The following LRP8 variants were observed in gnomAD, a reference collection of about 807,000 sequenced individuals.
LRP8 encodes the protein LDL receptor related protein 8.
In LRP8, 46 loss-of-function variants were observed where a neutral mutation model predicts 111.6. The ratio of observed to expected loss-of-function variants is 0.41; its 90% CI spans 0.33 to 0.53. The LOEUF (loss-of-function observed/expected upper bound fraction) is 0.53. Among genes scored for constraint, LRP8 ranks in the 20% least tolerant of loss-of-function variants. LRP8 has a pLI of 0.20. For missense variants in LRP8, 959 were observed against 1,297.4 expected (o/e 0.74, Z 4.01); for synonymous variants, 464 against 511.2 (o/e 0.91, Z 1.24).
Position 53,303,247 on chromosome 1 carries a change from AG to A in LRP8, c.245-13559del, listed in dbSNP as rs1217927638. On this transcript the variant is annotated intron_variant, in intron 2 of 18. Transcript: ENST00000306052. This position sits in a 1 kb window ranked among gnomAD's most constrained non-coding sequence, Gnocchi z 4.3. Reference sequence around the variant, plus strand: ...GGAGAGGGCCGGGGGCAGACAGGCAAGGGGCATGGCTTAGCTGGAAAAGCAT... The same window carrying A: ...GGAGAGGGCCGGGGGCAGACAGGCAAGGGCATGGCTTAGCTGGAAAAGCAT... 2.0e-5 allele frequency among the ~76,000 whole-genome samples: 3 copies of A among 152,164 alleles called. No homozygotes were observed. The highest frequency in any genetic ancestry group is 6.5e-5 in the Admixed American group (1 of 15,286).
rs551249069 is a variant in LRP8, at chr1:53,297,759, A to C, written c.245-8070T>G. Among the ~76,000 whole-genome samples, 6 of 152,188 alleles carry C rather than the reference A, an allele frequency of 3.9e-5. No homozygotes were observed. In the South Asian group the frequency reaches 1.2e-3, roughly 32 times the overall value. On this transcript the variant is annotated intron_variant, in intron 2 of 18. Coordinates refer to ENST00000306052, the MANE Select transcript of LRP8 (RefSeq NM_004631.5). ...TGGGTTCTCTCCTCCAACCCATTCC[A>C]CTAAGGAGTTACACAATTCTAACCA...
In LRP8 at chr1:53,279,760, C is replaced by T. The variant is rs1033915191; in HGVS notation, c.496+827G>A. ...GTGACCGCCCGTATTTCAGCCCAGC[C>T]GCACAGCCTAGTAGCGACAGCCAGT... On this transcript the variant is annotated intron_variant, in intron 4 of 18. Coordinates refer to ENST00000306052, the MANE Select transcript of LRP8 (RefSeq NM_004631.5). This position sits in a 1 kb window ranked among gnomAD's most constrained non-coding sequence, Gnocchi z 4.4. Among the ~76,000 whole-genome samples, 1 of 152,208 alleles carries T rather than the reference C, an allele frequency of 6.6e-6. No homozygotes were observed. The highest frequency in any genetic ancestry group is 2.4e-5 in the African/African-American group (1 of 41,452).
At chr1:53,296,263 G>A (rs1649693060) in intron 2 of LRP8, among the ~76,000 whole-genome samples, 1 of 152,236 alleles carries the variant, frequency 6.6e-6, no homozygotes, top group Admixed American at 6.5e-5. Flanking sequence ...TAAGAAAGGT[G>A]GATTCCAGCT....
chr1:53,299,637 C>T (rs925387171), intron 2 of LRP8, among the ~76,000 whole-genome samples: 2 of 152,204 alleles, frequency 1.3e-5, no homozygotes, highest in African/African-American at 2.4e-5. Context: ...ACCTGTGTGC[C>T]CAGCAGAAGG....
intron 6 of LRP8, chr1:53,272,595 C>T (rs1021693607): frequency 7.8e-7 from 1 of 1,290,150 alleles, no homozygotes; most frequent in Non-Finnish European, 1.0e-6. Flanking sequence ...TAGGGAATAA[C>T]CCCTTTACCC....
intron 1 of LRP8, chr1:53,327,408 G>A: frequency 7.8e-6 from 2 of 255,632 alleles, no homozygotes; most frequent in East Asian, 8.8e-5. Context: ...CTGCGGAAAC[G>A]CATTGTCAAG....
chr1:53,271,373 G>A, intron 6 of LRP8, 27 bp from the exon 7 acceptor site: 1 of 1,613,652 alleles, frequency 6.2e-7, no homozygotes, highest in East Asian at 2.2e-5. Context: ...GCTCCTGAAG[G>A]TCCAGGAGCC....
intron 18 of LRP8, among the ~76,000 whole-genome samples, chr1:53,247,925 C>T (rs935747704): frequency 2.6e-5 from 4 of 152,116 alleles, no homozygotes; most frequent in Admixed American, 2.6e-4. Flanking sequence ...TCCCAGATAC[C>T]CTCCTTTGGA....
Position 53,244,296 on chromosome 1 carries a change from C to T in LRP8, c.*2722G>A, listed in dbSNP as rs1645687820. ...AGGAAATGGAGGAAACGCACTGGGA[C>T]TGGCTTCTGATAAATTTTCTGCCCC... On this transcript the variant is annotated 3_prime_UTR_variant, in exon 19 of 19. Transcript: ENST00000306052. 6.6e-6 allele frequency: 1 copy of T among 152,250 alleles called. No homozygotes were observed. Among genetic ancestry groups the T allele is most frequent in the Non-Finnish European group, 1.5e-5 (1 of 68,058 alleles). The allele number at this position is 152,250 out of a possible 1,614,324, so 9.4% of individuals were successfully genotyped here.
chr1:53,273,343 C>T (rs959992193), intron 6 of LRP8, among the ~76,000 whole-genome samples: 5 of 152,208 alleles, frequency 3.3e-5, no homozygotes, highest in Admixed American at 2.6e-4. Context: ...GTGCAGAGCA[C>T]AAACAGTCCC....
chr1:53,307,123 C>A (rs1652116535), intron 2 of LRP8, among the ~76,000 whole-genome samples: 1 of 152,176 alleles, frequency 6.6e-6, no homozygotes, highest in South Asian at 2.1e-4. Context: ...CTTTGAGCCA[C>A]CATGAAAATC....
intron 6 of LRP8, chr1:53,274,829 C>T (rs1462857658): frequency 2.2e-6 from 1 of 456,310 alleles, no homozygotes; most frequent in Non-Finnish European, 4.4e-6. Context: ...CTCTGTTGGG[C>T]CGGACAAGAG....
At chr1:53,292,111 T>C (rs1000877314) in intron 2 of LRP8, 2 of 152,216 alleles carry the variant, frequency 1.3e-5, no homozygotes, top group African/African-American at 4.8e-5. Flanking sequence ...CTCTGGGTGC[T>C]TCTGGGGCTG....
chr1:53,289,457 T>TG, intron 3 of LRP8, 110 bp downstream of exon 3: 1 of 1,421,476 alleles, frequency 7.0e-7, no homozygotes, highest in South Asian at 1.4e-5. Flanking sequence ...CCTGAGTGCG[T>TG]GGCACAGAAT....
In LRP8 at chr1:53,293,049, G is replaced by A. The variant is rs1288235310; in HGVS notation, c.245-3360C>T. ...GCAAGTAGGCAAGTCTGGCAAGGAT[G>A]TGTGGTCAGACAGTGCCCAAAACAG... is the stretch of plus-strand genomic sequence containing the variant. On this transcript the variant is annotated intron_variant, in intron 2 of 18. Coordinates refer to ENST00000306052, the MANE Select transcript of LRP8 (RefSeq NM_004631.5). This position sits in a 1 kb window ranked among gnomAD's most constrained non-coding sequence, Gnocchi z 4.9. 6.6e-6 allele frequency among the ~76,000 whole-genome samples: 1 copy of A among 152,234 alleles called. No individual in the cohort carries two copies. Among genetic ancestry groups the A allele is most frequent in the Admixed American group, 6.5e-5 (1 of 15,288 alleles).
intron 2 of LRP8, among the ~76,000 whole-genome samples, chr1:53,295,611 G>C (rs969919478): frequency 2.0e-5 from 3 of 152,126 alleles, no homozygotes; most frequent in Non-Finnish European, 4.4e-5. Context: ...GGAGGGGAGG[G>C]GTAGGGGGCA....
chr1:53,264,064 G>C lies in LRP8; in HGVS notation c.1655+105C>G, dbSNP rs934626343. On this transcript the variant is annotated intron_variant, in intron 10 of 18. Transcript: ENST00000306052. ...ACTTTCTTCCCCATGGCCTGTGTCTGAGTGGCCCAGAGCTTTCTAGAACCC... is the reference window on the plus strand; with the variant it reads ...ACTTTCTTCCCCATGGCCTGTGTCTCAGTGGCCCAGAGCTTTCTAGAACCC... 38 of 1,102,940 alleles carry C rather than the reference G, an allele frequency of 3.4e-5. No homozygotes were observed. The African/African-American group carries it at 4.0e-4, about 12-fold the overall frequency. The allele number at this position is 1,102,940 out of a possible 1,614,324, so 68.3% of individuals were successfully genotyped here.
At position 53,262,701 on chromosome 1, in the gene LRP8, T is replaced by C. The variant is rs1381640400; in HGVS notation, c.1656-137A>G. The C allele has an allele frequency of 2.8e-6, 2 of 705,404 alleles. No individual in the cohort carries two copies. Among genetic ancestry groups the C allele is most frequent in the African/African-American group, 1.8e-5 (1 of 56,810 alleles). 43.7% of individuals were successfully genotyped at this position (705,404 alleles called of 1,614,324 possible). A position where few individuals can be genotyped will look rare whatever the true frequency, so the allele number is the denominator to read the frequency against. On this transcript the variant is annotated intron_variant, in intron 10 of 18. Coordinates refer to ENST00000306052, the MANE Select transcript of LRP8 (RefSeq NM_004631.5). The surrounding 1 kb of genome is among the most constrained non-coding windows in gnomAD (Gnocchi z 4.8). Reference sequence around the variant, plus strand: ...ACTGAGAAGACCTCTAAAGTTCTTTTGAACCATCAAATCTTAGATTTAGCA... The same window carrying C: ...ACTGAGAAGACCTCTAAAGTTCTTTCGAACCATCAAATCTTAGATTTAGCA...
chr1:53,295,862 A>C (rs1649613328), intron 2 of LRP8, among the ~76,000 whole-genome samples: 2 of 152,164 alleles, frequency 1.3e-5, no homozygotes, highest in African/African-American at 4.8e-5. Context: ...ACCTAGGAAA[A>C]CACTGCTGGG....
Sources: allele counts gnomAD v4.1 joint callset (sites outside exome capture counted in the v4.1 genomes callset), GRCh38; gene constraint gnomAD v4.1.1; non-coding constraint Gnocchi (gnomAD v3.1); transcripts MANE v1.5; gene names NCBI Gene and HGNC (gene_info 2026-07-23, HGNC 2026-07-21).